Variants in CCDC60 observed in about 807,000 individuals in gnomAD.
CCDC60 encodes coiled-coil domain containing 60, also known as coiled-coil domain-containing protein 60.
A neutral mutation model predicts 63.5 loss-of-function variants in CCDC60; 54 were observed. The observed-to-expected ratio is 0.85, with a 90% confidence interval of 0.68 to 1.07. The LOEUF is 1.07. Among genes scored for constraint, CCDC60 ranks in the 50% least tolerant of loss-of-function variants. The probability of loss-of-function intolerance (pLI) is 0.00; values close to 1 mark genes in which losing one functional copy is unlikely to be tolerated. For synonymous variants in CCDC60, 206 were observed against 238.8 expected (o/e 0.86, Z 1.27); for missense variants, 651 against 684.3 (o/e 0.95, Z 0.54).
chr12:119,505,051 T>A lies in CCDC60; in HGVS notation c.649-18T>A, dbSNP rs753678671. ...TCCCCCTCCTTCCTGAAACCTCTCT[T>A]TCTTCTCTTTCCTTTAGACCAAGAA... On this transcript the variant is annotated intron_variant, in intron 6 of 13. Coordinates refer to ENST00000327554, the MANE Select transcript of CCDC60 (RefSeq NM_178499.5). The A allele has an allele frequency of 1.9e-6, 3 of 1,561,756 alleles. No homozygotes were observed. The highest frequency in any genetic ancestry group is 2.6e-6 in the Non-Finnish European group (3 of 1,145,798).
At chr12:119,490,966 A>AT (rs1951567675) in intron 5 of CCDC60, among the ~76,000 whole-genome samples, 3 of 152,226 alleles carry the variant, frequency 2.0e-5, no homozygotes, top group Admixed American at 2.0e-4. Flanking sequence ...GAAAGCCTTT[A>AT]TTCCCTCCCT....
chr12:119,489,958 C>A (rs1286569103), intron 5 of CCDC60, among the ~76,000 whole-genome samples: 1 of 152,056 alleles, frequency 6.6e-6, no homozygotes, highest in Admixed American at 6.5e-5. Flanking sequence ...CCACCATGCC[C>A]AGCTAATTTT....
At chr12:119,414,346 C>A (rs1956662057) in intron 1 of CCDC60, among the ~76,000 whole-genome samples, 1 of 152,036 alleles carries the variant, frequency 6.6e-6, no homozygotes, top group South Asian at 2.1e-4. Context: ...CTGGAGCCAT[C>A]CTCACTGTGT....
chr12:119,446,552 G>C (rs1950544700), intron 2 of CCDC60, among the ~76,000 whole-genome samples: 1 of 152,194 alleles, frequency 6.6e-6, no homozygotes, highest in South Asian at 2.1e-4. Flanking sequence ...GAGCTGGGAT[G>C]GGGAGGTTAC....
At chr12:119,502,435 T>C (rs1022794305) in intron 6 of CCDC60, among the ~76,000 whole-genome samples, 23 of 152,164 alleles carry the variant, frequency 1.5e-4, no homozygotes, top group Admixed American at 1.3e-3. Flanking sequence ...AGCAACTGGT[T>C]AACACAACTG....
intron 4 of CCDC60, among the ~76,000 whole-genome samples, chr12:119,485,064 G>A (rs995235607): frequency 6.6e-6 from 1 of 152,256 alleles, no homozygotes; most frequent in African/African-American, 2.4e-5. Flanking sequence ...CCCAATCACT[G>A]AGAGTCAAGA....
At chr12:119,493,923 T>G (rs553068136) in intron 5 of CCDC60, among the ~76,000 whole-genome samples, 126 of 152,292 alleles carry the variant, frequency 8.3e-4, no homozygotes, top group Non-Finnish European at 5.9e-4. Flanking sequence ...CAGAGGGGCC[T>G]GTCATCAAAC....
intron 1 of CCDC60, among the ~76,000 whole-genome samples, chr12:119,360,295 ACCCCCCCACCTCCCTCC>A (rs1955766402): frequency 8.0e-6 from 1 of 124,318 alleles, no homozygotes; most frequent in African/African-American, 3.2e-5. Context: ...CAGGGGGCTG[ACCCCCCCACCTCCCTCC>A]CGGACTGGGC....
intron 2 of CCDC60, among the ~76,000 whole-genome samples, chr12:119,430,389 G>T (rs537634705): frequency 2.0e-4 from 31 of 152,224 alleles, no homozygotes; most frequent in Admixed American, 1.7e-3. Context: ...ACATGAGACT[G>T]GGTGTGGTGG....
At chr12:119,370,981 A>G (rs957442519) in intron 1 of CCDC60, among the ~76,000 whole-genome samples, 1 of 152,196 alleles carries the variant, frequency 6.6e-6, no homozygotes, top group South Asian at 2.1e-4. Context: ...GCAGTGAGCC[A>G]TGACCATAGC....
chr12:119,524,132 T>A (rs1952612226), intron 11 of CCDC60, among the ~76,000 whole-genome samples: 1 of 151,704 alleles, frequency 6.6e-6, no homozygotes, highest in African/African-American at 2.4e-5. Context: ...TTTAGATGAG[T>A]CCTGAAGGAT....
chr12:119,433,280 C>A, intron 2 of CCDC60: 1 of 635,432 alleles, frequency 1.6e-6, no homozygotes, highest in Non-Finnish European at 2.8e-6. Flanking sequence ...GTGATACAGG[C>A]AACAGTTGTT....
At chr12:119,346,205 G>A (rs1955591327) in intron 1 of CCDC60, among the ~76,000 whole-genome samples, 1 of 151,686 alleles carries the variant, frequency 6.6e-6, no homozygotes, top group Non-Finnish European at 1.5e-5. Context: ...TCTTAACCTG[G>A]AAATTGCTAG....
chr12:119,536,917 TTG>T (rs1276962509), intron 13 of CCDC60, among the ~76,000 whole-genome samples: 1 of 152,182 alleles, frequency 6.6e-6, no homozygotes, highest in East Asian at 1.9e-4. Context: ...AGGAGTATCT[TTG>T]TGGTGTTCTC....
intron 13 of CCDC60, among the ~76,000 whole-genome samples, chr12:119,534,023 T>G (rs1952932302): frequency 6.6e-6 from 1 of 152,234 alleles, no homozygotes; most frequent in Admixed American, 6.5e-5. Flanking sequence ...ACGGCCATTT[T>G]CACAATATTG....
chr12:119,506,622 A>G (rs1483843919), intron 7 of CCDC60, among the ~76,000 whole-genome samples: 1 of 151,948 alleles, frequency 6.6e-6, no homozygotes, highest in Non-Finnish European at 1.5e-5. Context: ...AAAAAGAGAA[A>G]AGAAGAGAAG....
intron 2 of CCDC60, among the ~76,000 whole-genome samples, chr12:119,444,239 G>A (rs1950498572): frequency 6.6e-6 from 1 of 152,216 alleles, no homozygotes; most frequent in South Asian, 2.1e-4. Context: ...CACAATGAAA[G>A]CGTTTAGAAT....
intron 1 of CCDC60, among the ~76,000 whole-genome samples, chr12:119,340,403 G>A (rs1021669922): frequency 6.6e-6 from 1 of 152,094 alleles, no homozygotes; most frequent in Non-Finnish European, 1.5e-5. Flanking sequence ...GGTAGACTGG[G>A]GCTTGAAGAT....
At chr12:119,455,933 G>T (rs1355927479) in intron 2 of CCDC60, among the ~76,000 whole-genome samples, 8 of 72,744 alleles carry the variant, frequency 1.1e-4, no homozygotes, top group Non-Finnish European at 1.3e-4. Flanking sequence ...AAGAAAGAAA[G>T]AGAAAGAGAG....
Sources: gnomAD v4.1 joint callset for allele counts (sites outside exome capture counted in the v4.1 genomes callset) on GRCh38, gnomAD v4.1.1 for gene constraint, MANE v1.5 for transcripts, NCBI Gene and HGNC (gene_info 2026-07-23, HGNC 2026-07-21) for gene names.